The following SPATA6L variants were observed in gnomAD, a reference collection of about 807,000 sequenced individuals.
SPATA6L encodes the protein spermatogenesis associated 6 like.
A neutral mutation model predicts 49.2 loss-of-function variants in SPATA6L; 68 were observed. The observed-to-expected ratio is 1.38, with a 90% confidence interval of 1.14 to 1.69. The LOEUF (loss-of-function observed/expected upper bound fraction) is 1.69, where lower values mean the gene tolerates loss of function less well. Among genes scored for constraint, SPATA6L ranks in the 40% most tolerant of loss-of-function variants. SPATA6L has a pLI of 0.00. For synonymous variants in SPATA6L, 198 were observed against 165.7 expected, an observed-to-expected ratio of 1.19 and a Z score of -1.50; for missense variants, 668 against 464.3, an observed-to-expected ratio of 1.44 and a Z score of -4.03.
chr9:4,655,941 A>G, intron 3 of SPATA6L, 100 bp downstream of exon 3: 1 of 928,832 alleles, frequency 1.1e-6, no homozygotes, highest in Non-Finnish European at 1.6e-6. Context: ...ATATTCATCA[A>G]ACATGAACAT....
intron 11 of SPATA6L, among the ~76,000 whole-genome samples, 160 bp from the exon 12 acceptor site, chr9:4,600,969 C>T (rs138897865): frequency 6.6e-6 from 1 of 152,348 alleles, no homozygotes; most frequent in East Asian, 1.9e-4. Flanking sequence ...CAGATTCCCA[C>T]AACAGAATAA....
chr9:4,639,428 C>A lies in SPATA6L; in HGVS notation c.227-4029G>T, dbSNP rs149466909. 6.6e-5 allele frequency among the ~76,000 whole-genome samples: 10 copies of A among 152,164 alleles called. No homozygotes were observed. The East Asian group carries it at 1.9e-3, about 29-fold the overall frequency. On this transcript the variant is annotated intron_variant, in intron 3 of 11. Coordinates refer to ENST00000682582, the MANE Select transcript of SPATA6L (RefSeq NM_001353486.2). The stretch of plus-strand genomic sequence containing the variant: ...TGGAAAATTGAAAGGGAGCTCATAC[C>A]CTATCTTCAGAATCACAGGAATAAA...
At chr9:4,666,141 T>G in intron 1 of SPATA6L, 71 bp downstream of exon 1, 11 of 1,426,820 alleles carry the variant, frequency 7.7e-6, no homozygotes, top group Non-Finnish European at 1.1e-5. Context: ...GGGGGAGGGT[T>G]GTTGAAAACC....
intron 13 of SPATA6L, among the ~76,000 whole-genome samples, chr9:4,589,413 T>C (rs1228711040): frequency 6.6e-6 from 1 of 152,186 alleles, no homozygotes; most frequent in Non-Finnish European, 1.5e-5. Context: ...GGAATGAAGC[T>C]CCTACCACGT....
At chr9:4,621,196 A>G (rs1191368019) in intron 7 of SPATA6L, among the ~76,000 whole-genome samples, 1 of 152,208 alleles carries the variant, frequency 6.6e-6, no homozygotes, top group African/African-American at 2.4e-5. Context: ...AAGTTCAGGA[A>G]TGACTGATCT....
chr9:4,620,684 G>C (rs1411758486), intron 7 of SPATA6L, among the ~76,000 whole-genome samples: 1 of 152,134 alleles, frequency 6.6e-6, no homozygotes, highest in Non-Finnish European at 1.5e-5. Flanking sequence ...CCAAAAACTT[G>C]GTGTGTGACC....
At chr9:4,647,105 A>G (rs1036121062) in intron 3 of SPATA6L, among the ~76,000 whole-genome samples, 3 of 152,106 alleles carry the variant, frequency 2.0e-5, no homozygotes, top group East Asian at 3.8e-4. Context: ...AAAGTATTGA[A>G]AAAAAAAGAT....
intron 2 of SPATA6L, among the ~76,000 whole-genome samples, chr9:4,656,766 C>T (rs531760122): frequency 6.6e-6 from 1 of 152,290 alleles, no homozygotes; most frequent in African/African-American, 2.4e-5. Flanking sequence ...TTAAATCAAC[C>T]CCAGAGTGTT....
chr9:4,662,424 G>T lies in SPATA6L; in HGVS notation c.40-388C>A. The T allele has an allele frequency of 6.5e-7, 1 of 1,540,134 alleles. No homozygotes were observed. Among genetic ancestry groups the T allele is most frequent in the Non-Finnish European group, 8.7e-7 (1 of 1,151,422 alleles). The stretch of plus-strand genomic sequence containing the variant: ...GGAGGGACGGCCGCTGGGCGTCTCC[G>T]CTTCGAGCAGCAGCAGCAGCCCCGG... On this transcript the variant is annotated intron_variant, in intron 1 of 11. Transcript: ENST00000682582. The surrounding 1 kb of genome is among the most constrained non-coding windows in gnomAD (Gnocchi z 4.9).
At chr9:4,618,553 T>C (rs1828546835) in intron 8 of SPATA6L, among the ~76,000 whole-genome samples, 1 of 152,184 alleles carries the variant, frequency 6.6e-6, no homozygotes, top group South Asian at 2.1e-4. Flanking sequence ...GAACAAGTGA[T>C]TTACCACCTC....
chr9:4,638,775 CTTTTCTTTTCTTTTCTTTTTTT>C (rs1018302289), intron 3 of SPATA6L, among the ~76,000 whole-genome samples: 4 of 141,636 alleles, frequency 2.8e-5, no homozygotes, highest in African/African-American at 1.2e-4. Flanking sequence ...CTTTTCTTTT[CTTTTCTTTTCTTTTCTTTTTTT>C]TTTTTGAGAT....
chr9:4,596,835 T>A (rs1326949899), downstream of SPATA6L, among the ~76,000 whole-genome samples: 6 of 152,132 alleles, frequency 3.9e-5, no homozygotes. Context: ...AACCTGAGGT[T>A]TGGAAACAAG....
intron 11 of SPATA6L, among the ~76,000 whole-genome samples, chr9:4,602,799 T>C (rs1374675061): frequency 1.3e-5 from 2 of 152,206 alleles, no homozygotes; most frequent in Admixed American, 6.5e-5. Flanking sequence ...AGCTCCACCA[T>C]TCACTAGCCA....
At chr9:4,590,359 C>A (rs1821827679) in intron 13 of SPATA6L, among the ~76,000 whole-genome samples, 1 of 152,180 alleles carries the variant, frequency 6.6e-6, no homozygotes, top group African/African-American at 2.4e-5. Flanking sequence ...AACTCCTAAG[C>A]AAGCAGTGAG....
At chr9:4,616,345 G>C (rs991146053) in intron 9 of SPATA6L, among the ~76,000 whole-genome samples, 2 of 152,150 alleles carry the variant, frequency 1.3e-5, no homozygotes, top group African/African-American at 4.8e-5. Context: ...CCAGCACTTA[G>C]AGACACATGA....
chr9:4,595,467 C>T (rs1315277368), downstream of SPATA6L, among the ~76,000 whole-genome samples: 1 of 152,226 alleles, frequency 6.6e-6, no homozygotes, highest in African/African-American at 2.4e-5. Flanking sequence ...TAATACTTTG[C>T]TTTCTGGCTC....
intron 11 of SPATA6L, among the ~76,000 whole-genome samples, chr9:4,603,791 A>C (rs1408987754): frequency 1.3e-5 from 2 of 152,204 alleles, no homozygotes. Flanking sequence ...CGTGTCATAG[A>C]AAATCATAAG....
chr9:4,662,802 GGCATCCCCTGGCT>G lies in SPATA6L; in HGVS notation c.40-779_40-767del. 6.2e-7 allele frequency: 1 copy of G among 1,605,034 alleles called. No homozygotes were observed. The highest frequency in any genetic ancestry group is 8.5e-7 in the Non-Finnish European group (1 of 1,179,934). On this transcript the variant is annotated intron_variant, in intron 1 of 11. Transcript: ENST00000682582. The surrounding 1 kb of genome is among the most constrained non-coding windows in gnomAD (Gnocchi z 4.9). ...GAAGCTGCTGGAGATCTCGGGACAC[GGCATCCCCTGGCT>G]GCTGGGCACCCTCTACTGCCTGTGC...
intron 9 of SPATA6L, among the ~76,000 whole-genome samples, chr9:4,606,852 C>A (rs1229213367): frequency 6.8e-6 from 1 of 146,114 alleles, no homozygotes; most frequent in Non-Finnish European, 1.5e-5. Context: ...CTCTGAGCTA[C>A]GGGAGGACAT....
Sources: gnomAD v4.1 joint callset for allele counts (sites outside exome capture counted in the v4.1 genomes callset) on GRCh38, gnomAD v4.1.1 for gene constraint, Gnocchi (gnomAD v3.1) non-coding constraint, MANE v1.5 for transcripts, NCBI Gene and HGNC (gene_info 2026-07-23, HGNC 2026-07-21) for gene names.